Variants in TG observed in about 807,000 individuals in gnomAD.
TG encodes thyroid hormones.
A neutral mutation model predicts 324.7 loss-of-function variants in TG; 270 were observed. The observed-to-expected ratio is 0.83, with a 90% CI of 0.75 to 0.92. The LOEUF (loss-of-function observed/expected upper bound fraction) is 0.92, where lower values mean the gene tolerates loss of function less well. Among genes scored for constraint, TG ranks in the 40% least tolerant of loss-of-function variants. TG has a pLI of 0.00. For synonymous variants in TG, 1,401 were observed against 1,327.0 expected, an observed-to-expected ratio of 1.06 and a Z score of -1.21; for missense variants, 3,591 against 3,456.4, an observed-to-expected ratio of 1.04 and a Z score of -0.98.
intron 18 of TG, among the ~76,000 whole-genome samples, chr8:132,910,092 T>C (rs1819289540): frequency 6.6e-6 from 1 of 152,206 alleles, no homozygotes; most frequent in Non-Finnish European, 1.5e-5. Context: ...AGGATCTCAT[T>C]AAATGACAAC....
At chr8:133,109,972 G>A (rs963025248) in intron 43 of TG, among the ~76,000 whole-genome samples, 1 of 152,166 alleles carries the variant, frequency 6.6e-6, no homozygotes, top group African/African-American at 2.4e-5. Context: ...ATGGTGCCCA[G>A]AGAGAGAAAG....
chr8:132,893,580 GGTGTGTGTGTGGT>G lies in TG; in HGVS notation c.2762-105_2762-93del, dbSNP rs1816660140. 8 of 1,406,756 alleles carry G rather than the reference GGTGTGTGTGTGGT, an allele frequency of 5.7e-6. No homozygotes were observed. The Admixed American group carries it at 1.4e-4, about 24-fold the overall frequency. The allele number at this position is 1,406,756 out of a possible 1,614,324, so 87.1% of individuals were successfully genotyped here. A position where few individuals can be genotyped will look rare whatever the true frequency, so the allele number is the denominator to read the frequency against. On this transcript the variant is annotated intron_variant, in intron 10 of 47. Coordinates refer to ENST00000220616, the MANE Select transcript of TG (RefSeq NM_003235.5). Reference sequence around the variant, plus strand: ...GTGTATGTGTGTGGTGTGTGTGTGTGGTGTGTGTGTGGTGTGTATGTGTGTGCGTGAGGGCACA... The same window carrying G: ...GTGTATGTGTGTGGTGTGTGTGTGTGGTGTATGTGTGTGCGTGAGGGCACA...
rs752157238 is a variant in TG, at chr8:133,134,680, AGC to A, written c.8194_8195del (p.Ala2732GlnfsTer9). ...ISSLKTSADG[A>X]KGGQSAESEE... The stretch of plus-strand genomic sequence containing the variant: ...TTCCTTGCCCCTCTGTTTCAGATGG[AGC>A]CAAGGGCGGGCAGTCAGCAGAGAGT... On this transcript the variant is annotated frameshift_variant, in exon 48 of 48. Transcript: ENST00000220616. LOFTEE classifies it low-confidence loss of function (END_TRUNC). 1 of 1,613,908 alleles carries A rather than the reference AGC, an allele frequency of 6.2e-7. No homozygotes were observed. Among genetic ancestry groups the A allele is most frequent in the Non-Finnish European group, 8.5e-7 (1 of 1,179,828 alleles).
chr8:132,935,242 G>A (rs1020182805), intron 24 of TG, among the ~76,000 whole-genome samples: 1 of 151,816 alleles, frequency 6.6e-6, no homozygotes, highest in African/African-American at 2.4e-5. Context: ...CCAGGTTCAG[G>A]TGATTCTCTC....
At chr8:133,020,196 C>T (rs1370841180) in intron 39 of TG, among the ~76,000 whole-genome samples, 1 of 152,216 alleles carries the variant, frequency 6.6e-6, no homozygotes, top group Non-Finnish European at 1.5e-5. Flanking sequence ...GTTCCAAAGC[C>T]AGTGCTCTTT....
chr8:133,032,065 C>G (rs1836692803), intron 41 of TG, among the ~76,000 whole-genome samples: 1 of 152,130 alleles, frequency 6.6e-6, no homozygotes, highest in South Asian at 2.1e-4. Flanking sequence ...CTCCACGGGA[C>G]CCCGAGCACC....
rs2132332289 is a variant in TG at position 132,906,754 on chromosome 8, T to C, written c.3701T>C (p.Ile1234Thr). The change falls in exon 17 of 48, where the codon ATC becomes ACC. Residue 1234 changes from isoleucine (I) to threonine (T), a missense_variant. Coordinates refer to ENST00000220616, the MANE Select transcript of TG (RefSeq NM_003235.5). The part of the protein sequence containing the change: ...VVGGTILCET[I>T]SGPTGSAMQQ... ...GGTGGAACAATCCTGTGTGAGACAA[T>C]CTCGGGCCCCACAGGCTCTGCCATG... 6.2e-7 allele frequency: 1 copy of C among 1,614,180 alleles called. No homozygotes were observed. Among genetic ancestry groups the C allele is most frequent in the Non-Finnish European group, 8.5e-7 (1 of 1,180,036 alleles).
rs1839145695 is a variant in TG at position 132,868,169 on chromosome 8, C to T, written c.122C>T (p.Ala41Val). The T allele has an allele frequency of 2.5e-6, 4 of 1,614,010 alleles. No individual in the cohort carries two copies. The African/African-American group carries it at 5.3e-5, about 22-fold the overall frequency. Residue 41 changes from alanine to valine, a missense_variant, in exon 2 of 48, where the codon GCC becomes GTC. Transcript: ENST00000220616. ...CCCTGTGAGCTGCAGAGGGAAACGG[C>T]CTTTCTGAAGCAAGCAGACTACGTG... ...LRPCELQRET[A>V]FLKQADYVPQ...
At chr8:133,033,050 G>A (rs569481904) in intron 41 of TG, among the ~76,000 whole-genome samples, 1 of 152,112 alleles carries the variant, frequency 6.6e-6, no homozygotes, top group Non-Finnish European at 1.5e-5. Context: ...CAGGAATTTG[G>A]GACTCTCTTG....
intron 34 of TG, among the ~76,000 whole-genome samples, chr8:132,982,886 G>T (rs919391586): frequency 6.6e-6 from 1 of 152,148 alleles, no homozygotes; most frequent in African/African-American, 2.4e-5. Flanking sequence ...GACGGGGTAG[G>T]ACTGCACCTC....
chr8:132,887,512 C>G lies in TG; in HGVS notation c.2140C>G (p.Pro714Ala). 1 of 1,614,152 alleles carries G rather than the reference C, an allele frequency of 6.2e-7. No individual in the cohort carries two copies. The highest frequency in any genetic ancestry group is 8.5e-7 in the Non-Finnish European group (1 of 1,180,036). ...TGTTGATGCTGAGGGTCAGGCCATTCCTGGAACTCGAAGTGCAATAGGGAA... is the reference window on the plus strand; with the variant it reads ...TGTTGATGCTGAGGGTCAGGCCATTGCTGGAACTCGAAGTGCAATAGGGAA... ...YCVDAEGQAIPGTRSAIGKPK... is the reference protein window; with the variant it reads ...YCVDAEGQAIAGTRSAIGKPK... The change falls in exon 9 of 48, where the codon CCT becomes GCT. Residue 714 changes from proline (P) to alanine (A), a missense_variant. Coordinates refer to ENST00000220616, the MANE Select transcript of TG (RefSeq NM_003235.5).
chr8:133,132,514 A>G (rs1554731217), intron 46 of TG, among the ~76,000 whole-genome samples: 2 of 152,048 alleles, frequency 1.3e-5, no homozygotes, highest in Non-Finnish European at 2.9e-5. Context: ...AATGAAGTAT[A>G]CTCGCTGTCC....
intron 10 of TG, among the ~76,000 whole-genome samples, chr8:132,888,951 T>A (rs959684918): frequency 1.3e-5 from 2 of 152,182 alleles, no homozygotes; most frequent in Non-Finnish European, 2.9e-5. Flanking sequence ...CTATGTTAGG[T>A]GTACCTTTTA....
intron 26 of TG, among the ~76,000 whole-genome samples, chr8:132,945,269 G>C (rs1056379855): frequency 6.8e-6 from 1 of 148,054 alleles, no homozygotes; most frequent in South Asian, 2.1e-4. Context: ...GCAGTGGAGA[G>C]GGGGAATAGA....
chr8:133,028,502 G>T (rs185809236), intron 40 of TG, among the ~76,000 whole-genome samples: 1 of 152,222 alleles, frequency 6.6e-6, no homozygotes, highest in Non-Finnish European at 1.5e-5. Context: ...CATAATGTTA[G>T]AACCTAAACC....
At chr8:132,979,142 AG>A (rs1392265189) in intron 34 of TG, among the ~76,000 whole-genome samples, 1 of 151,958 alleles carries the variant, frequency 6.6e-6, no homozygotes, top group Non-Finnish European at 1.5e-5. Context: ...TGAGGGGAGG[AG>A]GGGGTGGTGC....
intron 37 of TG, among the ~76,000 whole-genome samples, chr8:133,016,647 A>G (rs1032109738): frequency 4.6e-5 from 7 of 152,228 alleles, no homozygotes; most frequent in African/African-American, 1.7e-4. Flanking sequence ...TCAGCAGACC[A>G]AATCTACGTG....
At chr8:133,034,835 G>A (rs936998873) in intron 41 of TG, among the ~76,000 whole-genome samples, 7 of 152,178 alleles carry the variant, frequency 4.6e-5, no homozygotes, top group Non-Finnish European at 1.0e-4. Flanking sequence ...TGGAGAGGAA[G>A]GAGGACCATA....
intron 34 of TG, among the ~76,000 whole-genome samples, chr8:132,979,880 C>T (rs367608370): frequency 3.8e-4 from 58 of 152,230 alleles, no homozygotes; most frequent in East Asian, 3.7e-3. Context: ...AGAAGACTGC[C>T]CCCACTTCAG....
Sources: allele counts gnomAD v4.1 joint callset (sites outside exome capture counted in the v4.1 genomes callset), GRCh38; gene constraint gnomAD v4.1.1; transcripts MANE v1.5; gene names NCBI Gene and HGNC (gene_info 2026-07-23, HGNC 2026-07-21).